The following ADAMTS16 variants were observed in gnomAD, a reference collection of about 807,000 sequenced individuals.
ADAMTS16 encodes the protein ADAM metallopeptidase with thrombospondin type 1 motif 16.
A neutral mutation model predicts 145.8 loss-of-function variants in ADAMTS16; 94 were observed. The ratio of observed to expected loss-of-function variants is 0.64; its 90% CI spans 0.55 to 0.77. The LOEUF (loss-of-function observed/expected upper bound fraction) is 0.77. Among genes scored for constraint, ADAMTS16 ranks in the 30% least tolerant of loss-of-function variants. The probability of loss-of-function intolerance (pLI) is 0.00; values close to 1 mark genes in which losing one functional copy is unlikely to be tolerated. For missense variants in ADAMTS16, 1,585 were observed against 1,591.5 expected, an observed-to-expected ratio of 1.00 and a Z score of 0.07; for synonymous variants, 659 against 604.3, an observed-to-expected ratio of 1.09 and a Z score of -1.33.
intron 17 of ADAMTS16, among the ~76,000 whole-genome samples, chr5:5,247,776 C>A (rs547743311): frequency 6.6e-6 from 1 of 152,226 alleles, no homozygotes; most frequent in African/African-American, 2.4e-5. Flanking sequence ...CAAGTCAAGG[C>A]TGTCAGGGAA....
chr5:5,266,629 C>T (rs1738248687), intron 18 of ADAMTS16, among the ~76,000 whole-genome samples: 1 of 152,190 alleles, frequency 6.6e-6, no homozygotes, highest in Non-Finnish European at 1.5e-5. Context: ...AAAGGGACGT[C>T]CTACTTGACA....
chr5:5,256,777 T>C (rs1029598668), intron 17 of ADAMTS16, among the ~76,000 whole-genome samples: 1 of 152,230 alleles, frequency 6.6e-6, no homozygotes, highest in African/African-American at 2.4e-5. Flanking sequence ...ATTTCACATG[T>C]TTTTAATTTC....
At chr5:5,299,884 G>A (rs181471131) in intron 18 of ADAMTS16, among the ~76,000 whole-genome samples, 42 of 152,332 alleles carry the variant, frequency 2.8e-4, no homozygotes, top group African/African-American at 9.4e-4. Flanking sequence ...GCTTGTTACT[G>A]TTCATGGAAC....
rs74628714 is a variant in ADAMTS16 at position 5,185,520 on chromosome 5, G to T, written c.764-532G>T. 3.3e-5 allele frequency among the ~76,000 whole-genome samples: 5 copies of T among 152,336 alleles called. No individual in the cohort carries two copies. The East Asian group carries it at 7.7e-4, about 23-fold the overall frequency. On this transcript the variant is annotated intron_variant, in intron 4 of 22. Transcript: ENST00000274181. ...ACTTTCTAGGAAATTAAGCTCTTCA[G>T]TGAAGTGGAGCTGCCTCAAGCATTT...
intron 2 of ADAMTS16, among the ~76,000 whole-genome samples, chr5:5,141,836 A>T (rs907322296): frequency 1.3e-5 from 2 of 152,168 alleles, no homozygotes; most frequent in Non-Finnish European, 2.9e-5. Context: ...GACGCTCACC[A>T]TAGTACCTTT....
intron 17 of ADAMTS16, among the ~76,000 whole-genome samples, chr5:5,253,254 A>G (rs911126937): frequency 6.6e-6 from 1 of 152,232 alleles, no homozygotes; most frequent in Non-Finnish European, 1.5e-5. Flanking sequence ...GTACATTTTT[A>G]GGGAGACATG....
chr5:5,170,875 A>G (rs569431257), intron 3 of ADAMTS16, among the ~76,000 whole-genome samples: 1 of 152,158 alleles, frequency 6.6e-6, no homozygotes, highest in South Asian at 2.1e-4. Flanking sequence ...CAGGGATCCC[A>G]TTGGTCCATT....
intron 8 of ADAMTS16, among the ~76,000 whole-genome samples, chr5:5,195,074 G>A (rs1326991913): frequency 6.6e-6 from 1 of 152,154 alleles, no homozygotes; most frequent in Non-Finnish European, 1.5e-5. Context: ...AAAATATCAT[G>A]TAGTTTATGC....
intron 18 of ADAMTS16, among the ~76,000 whole-genome samples, chr5:5,270,877 A>G (rs1290088928): frequency 3.3e-5 from 5 of 152,158 alleles, no homozygotes; most frequent in Non-Finnish European, 5.9e-5. Context: ...TCTAGGCTGC[A>G]GGTACTCCGA....
chr5:5,198,139 A>C (rs766016106), intron 8 of ADAMTS16, among the ~76,000 whole-genome samples: 4 of 152,196 alleles, frequency 2.6e-5, no homozygotes, highest in Admixed American at 1.3e-4. Flanking sequence ...AAGTTTATCG[A>C]GGGCAATTTC....
At chr5:5,226,925 G>T (rs1468652631) in intron 11 of ADAMTS16, among the ~76,000 whole-genome samples, 1 of 152,202 alleles carries the variant, frequency 6.6e-6, no homozygotes, top group Non-Finnish European at 1.5e-5. Context: ...GCAAGGGGTG[G>T]GGACCACAGC....
intron 10 of ADAMTS16, among the ~76,000 whole-genome samples, chr5:5,214,388 G>C (rs528916496): frequency 6.6e-6 from 1 of 152,162 alleles, no homozygotes; most frequent in East Asian, 1.9e-4. Flanking sequence ...CAAACTTTAT[G>C]TATTTTCTTT....
Position 5,186,077 on chromosome 5 carries a change from C to T in ADAMTS16, c.789C>T (p.Asp263=). Residue 263 remains aspartate (D), a synonymous_variant, in exon 5 of 23, where the codon GAC becomes GAT. Transcript: ENST00000274181. The stretch of plus-strand genomic sequence containing the variant: ...ACATGCCCCAGCCTCCCAAGGAAGA[C>T]CTCTTCATCTTGCCAGATGAGTATA... ...KKYMPQPPKE[D]LFILPDEYKS... is the part of the protein sequence containing the mutation. 1 of 1,613,892 alleles carries T rather than the reference C, an allele frequency of 6.2e-7. No homozygotes were observed. Among genetic ancestry groups the T allele is most frequent in the Non-Finnish European group, 8.5e-7 (1 of 1,180,002 alleles).
rs1426625001 is a variant in ADAMTS16 at position 5,239,250 on chromosome 5, T to G, written c.2254T>G (p.Tyr752Asp). ...AGCCTGCACGATTCACAGGGGTCTC[T>G]ACACCAAGCACCACCACACCAACCG... ...NSACTIHRGL[Y>D]TKHHHTNQYY... The change falls in exon 15 of 23, where the codon TAC becomes GAC. Residue 752 changes from tyrosine to aspartate, a missense_variant. Transcript: ENST00000274181. The G allele has an allele frequency of 6.3e-7, 1 of 1,591,832 alleles. No homozygotes were observed. The highest frequency in any genetic ancestry group is 1.3e-5 in the African/African-American group (1 of 74,084).
chr5:5,158,355 A>C (rs1358258308), intron 3 of ADAMTS16, among the ~76,000 whole-genome samples: 1 of 152,156 alleles, frequency 6.6e-6, no homozygotes, highest in African/African-American at 2.4e-5. Flanking sequence ...TGGATGAATA[A>C]GTTGATGGAT....
At chr5:5,156,968 G>A (rs1168151020) in intron 3 of ADAMTS16, among the ~76,000 whole-genome samples, 1 of 152,188 alleles carries the variant, frequency 6.6e-6, no homozygotes, top group East Asian at 1.9e-4. Flanking sequence ...ACTCCTAGTT[G>A]CACTTGCTCT....
intron 3 of ADAMTS16, among the ~76,000 whole-genome samples, chr5:5,150,032 T>C (rs1477924962): frequency 6.6e-6 from 1 of 152,240 alleles, no homozygotes; most frequent in South Asian, 2.1e-4. Flanking sequence ...TGTCTTCATT[T>C]CTCTTGGGTA....
In ADAMTS16 at chr5:5,302,845, T is replaced by C. The variant is rs142204409; in HGVS notation, c.2790-423T>C. Among the ~76,000 whole-genome samples, 26 of 152,306 alleles carry C rather than the reference T, an allele frequency of 1.7e-4. No individual in the cohort carries two copies. The East Asian group carries it at 5.0e-3, about 29-fold the overall frequency. ...TTTAGAGATGCATATTGAGATATTT[T>C]CATGTCTGGAATCACCTTCAAAACG... is the stretch of plus-strand genomic sequence containing the variant. On this transcript the variant is annotated intron_variant, in intron 18 of 22. Transcript: ENST00000274181.
chr5:5,167,817 G>T (rs1032565209), intron 3 of ADAMTS16, among the ~76,000 whole-genome samples: 1 of 152,224 alleles, frequency 6.6e-6, no homozygotes, highest in Admixed American at 6.5e-5. Flanking sequence ...GCCACATGTG[G>T]CAATTGAGGA....
Sources: allele counts gnomAD v4.1 joint callset (sites outside exome capture counted in the v4.1 genomes callset), GRCh38; gene constraint gnomAD v4.1.1; transcripts MANE v1.5; gene names NCBI Gene and HGNC (gene_info 2026-07-23, HGNC 2026-07-21).